ANXA4: variants seen among roughly 807,000 people sequenced by gnomAD.
ANXA4 encodes annexin A4, also known as 35-beta calcimedin.
In ANXA4, 39 loss-of-function variants were observed where a neutral mutation model predicts 49.8. That is an observed-to-expected ratio of 0.78 (90% confidence interval 0.61 to 1.02). The LOEUF is 1.02. ANXA4 is among the 50% of genes least tolerant of loss of function. ANXA4 has a pLI of 0.00. For synonymous variants in ANXA4, 134 were observed against 152.5 expected, an observed-to-expected ratio of 0.88 and a Z score of 0.89; for missense variants, 360 against 410.1, an observed-to-expected ratio of 0.88 and a Z score of 1.05.
chr2:69,757,525 G>A (rs1472780947), intron 1 of ANXA4, among the ~76,000 whole-genome samples: 6 of 135,524 alleles, frequency 4.4e-5, no homozygotes, highest in South Asian at 2.4e-4. Context: ...CGCCTGCCTC[G>A]GCCTCCCAAA....
chr2:69,721,388 C>G (rs1174741397), intron 3 of ANXA4, among the ~76,000 whole-genome samples: 1 of 152,176 alleles, frequency 6.6e-6, no homozygotes, highest in Non-Finnish European at 1.5e-5. Flanking sequence ...CGTAGAGCAG[C>G]AATAACACAA....
chr2:69,660,280 T>G (rs1490343085), intron 2 of ANXA4, among the ~76,000 whole-genome samples: 1 of 152,186 alleles, frequency 6.6e-6, no homozygotes, highest in Non-Finnish European at 1.5e-5. Flanking sequence ...AACATAAAAA[T>G]TGATTCTGGG....
intron 7 of ANXA4, 122 bp from the exon 8 acceptor site, chr2:69,812,531 G>A (rs370603851): frequency 2.7e-6 from 2 of 738,892 alleles, no homozygotes. Flanking sequence ...TCCCTCCCTG[G>A]GTCTGAAGCT....
chr2:69,753,903 T>G (rs985028176), intron 1 of ANXA4, among the ~76,000 whole-genome samples: 1 of 152,206 alleles, frequency 6.6e-6, no homozygotes, highest in East Asian at 1.9e-4. Context: ...TATCCCAATT[T>G]TATGCCAAAA....
rs775679904 is a variant in ANXA4, at chr2:69,820,758, C to T, written c.843C>T (p.Asp281=). ...IRVMVSRAEI[D]MLDIRAHFKR... is the part of the protein sequence containing the mutation. ...TGATGGTTTCTCGAGCAGAAATTGACATGTTGGATATCCGGGCACACTTCA... is the reference window on the plus strand; with the variant it reads ...TGATGGTTTCTCGAGCAGAAATTGATATGTTGGATATCCGGGCACACTTCA... Residue 281 remains aspartate (D), a synonymous_variant, in exon 12 of 13, where the codon GAC becomes GAT. Coordinates refer to ENST00000394295, the MANE Select transcript of ANXA4 (RefSeq NM_001153.5). 2 of 1,614,082 alleles carry T rather than the reference C, an allele frequency of 1.2e-6. No homozygotes were observed. The highest frequency in any genetic ancestry group is 2.2e-5 in the East Asian group (1 of 44,874).
intron 2 of ANXA4, among the ~76,000 whole-genome samples, chr2:69,693,327 A>G (rs1414408617): frequency 6.6e-6 from 1 of 152,036 alleles, no homozygotes; most frequent in Non-Finnish European, 1.5e-5. Context: ...GGAAGGGGAG[A>G]AGGGAAGGCC....
intron 2 of ANXA4, among the ~76,000 whole-genome samples, chr2:69,694,029 T>C (rs1053608206): frequency 4.6e-5 from 7 of 152,156 alleles, no homozygotes; most frequent in Non-Finnish European, 8.8e-5. Flanking sequence ...AAAAAGTTGG[T>C]CTCCCTATTC....
chr2:69,773,650 T>C (rs867671886), intron 1 of ANXA4, among the ~76,000 whole-genome samples: 24 of 141,516 alleles, frequency 1.7e-4, no homozygotes, highest in African/African-American at 6.3e-4. Flanking sequence ...TTTTTTGTTT[T>C]CGACAGAGTC....
At chr2:69,815,784 C>A in intron 8 of ANXA4, 3 of 282,190 alleles carry the variant, frequency 1.1e-5, no homozygotes, top group South Asian at 8.8e-5. Context: ...TTTAAACAGC[C>A]ACATGTGGTT....
chr2:69,719,612 A>G (rs1669764341), intron 2 of ANXA4, among the ~76,000 whole-genome samples: 1 of 150,854 alleles, frequency 6.6e-6, no homozygotes, highest in Non-Finnish European at 1.5e-5. Flanking sequence ...GCTAATTTTT[A>G]TATTTTTAGT....
chr2:69,815,928 C>G, intron 8 of ANXA4, 173 bp from the exon 9 acceptor site: 1 of 602,070 alleles, frequency 1.7e-6, no homozygotes, highest in Non-Finnish European at 3.0e-6. Context: ...GTCCCAACAG[C>G]CTTATGCCTG....
At chr2:69,777,548 G>A (rs145544242) in intron 1 of ANXA4, among the ~76,000 whole-genome samples, 187 of 152,292 alleles carry the variant, frequency 1.2e-3, no homozygotes, top group African/African-American at 4.3e-3. Flanking sequence ...TTATGTACCA[G>A]GAACAGGAGG....
chr2:69,734,840 CCA>C (rs957216915), intron 3 of ANXA4, among the ~76,000 whole-genome samples: 4 of 152,098 alleles, frequency 2.6e-5, no homozygotes, highest in Non-Finnish European at 4.4e-5. Flanking sequence ...TATAGTGTAC[CCA>C]CAGTTTTATT....
Position 69,675,016 on chromosome 2 carries a change from G to A in ANXA4, n.766+21734G>A, listed in dbSNP as rs567858030. Among the ~76,000 whole-genome samples the A allele has an allele frequency of 1.0e-4, 15 of 146,138 alleles. No homozygotes were observed. The East Asian group carries it at 2.4e-3, about 24-fold the overall frequency. ...CGGCTCACTGCAACCTCCACCTCCC[G>A]GGTTCAAGCGATTCTCCTGCCTCAG... On this transcript the variant is annotated intron_variant and non_coding_transcript_variant, in intron 2 of 3. Transcript: ENST00000418066.
upstream of ANXA4, among the ~76,000 whole-genome samples, chr2:69,644,165 T>TTCGCG (rs1553424953): frequency 8.3e-3 from 175 of 21,130 alleles, 20 homozygotes; most frequent in African/African-American, 0.014. Context: ...ACAACTAAGT[T>TTCGCG]CCCCCCCCCC....
chr2:69,821,895 GA>G (rs1674259595), intron 12 of ANXA4, among the ~76,000 whole-genome samples: 1 of 152,092 alleles, frequency 6.6e-6, no homozygotes, highest in Non-Finnish European at 1.5e-5. Context: ...GAAGTTATGG[GA>G]AAATATACTA....
At chr2:69,808,030 T>A (rs527727887) in intron 6 of ANXA4, 34 bp downstream of exon 6, 1 of 1,591,246 alleles carries the variant, frequency 6.3e-7, no homozygotes, top group South Asian at 1.1e-5. Context: ...TGGCTGAGGT[T>A]TCGCTGTGAT....
chr2:69,653,980 T>A (rs1676346333), intron 2 of ANXA4, among the ~76,000 whole-genome samples: 1 of 152,226 alleles, frequency 6.6e-6, no homozygotes, highest in Non-Finnish European at 1.5e-5. Flanking sequence ...TTTGTAGTTC[T>A]CCTTGAAGAG....
chr2:69,659,936 CT>C (rs5831980), intron 2 of ANXA4, among the ~76,000 whole-genome samples: 10,799 of 152,098 alleles, frequency 0.071, 1,125 homozygotes, highest in East Asian at 0.37. Flanking sequence ...AATGAAGCAC[CT>C]TAGTCCTGGG....
Sources: gnomAD v4.1 joint callset for allele counts (sites outside exome capture counted in the v4.1 genomes callset) on GRCh38, gnomAD v4.1.1 for gene constraint, MANE v1.5 for transcripts, NCBI Gene and HGNC (gene_info 2026-07-23, HGNC 2026-07-21) for gene names.